Variants in GDA observed in about 807,000 individuals in gnomAD.
The protein encoded by GDA is cytoplasmic PSD-95 interactor.
A neutral mutation model predicts 59.6 loss-of-function variants in GDA; 18 were observed. The ratio of observed to expected loss-of-function variants is 0.30; its 90% CI spans 0.21 to 0.45. The LOEUF is 0.45. Among genes scored for constraint, GDA ranks in the 20% least tolerant of loss-of-function variants. The pLI is 1.00. For missense variants in GDA, 427 were observed against 552.3 expected, an observed-to-expected ratio of 0.77 and a Z score of 2.27; for synonymous variants, 201 against 201.1, an observed-to-expected ratio of 1.00 and a Z score of 0.00.
At chr9:72,139,820 A>G (rs1439268976) in intron 1 of GDA, among the ~76,000 whole-genome samples, 4 of 152,196 alleles carry the variant, frequency 2.6e-5, no homozygotes, top group African/African-American at 7.2e-5. Flanking sequence ...AAATGAAAGC[A>G]TCTTGCAATA....
chr9:72,162,646 A>G (rs1215600309), intron 1 of GDA, among the ~76,000 whole-genome samples: 1 of 149,156 alleles, frequency 6.7e-6, no homozygotes, highest in Non-Finnish European at 1.5e-5. Flanking sequence ...AGAGGAAGAT[A>G]GGTCAGATTT....
chr9:72,155,438 A>G (rs955446107), intron 1 of GDA, among the ~76,000 whole-genome samples: 1 of 152,182 alleles, frequency 6.6e-6, no homozygotes, highest in Non-Finnish European at 1.5e-5. Context: ...AACCATACCA[A>G]TAGGTAAGGT....
chr9:72,171,434 C>T (rs1242514925), intron 1 of GDA, among the ~76,000 whole-genome samples: 2 of 152,172 alleles, frequency 1.3e-5, no homozygotes, highest in Admixed American at 6.5e-5. Flanking sequence ...TTTGTAGCTT[C>T]TGCTAGCCTT....
intron 1 of GDA, among the ~76,000 whole-genome samples, chr9:72,125,009 T>C (rs1419823653): frequency 6.6e-6 from 1 of 152,194 alleles, no homozygotes; most frequent in Non-Finnish European, 1.5e-5. Context: ...ATACTATTTT[T>C]AGGGCTGCCG....
In GDA at chr9:72,173,516, G is replaced by A. The variant is rs192046464; in HGVS notation, c.124-21984G>A. ...CGGCTAATTTTTATATTTTTCGGAG[G>A]GGCAGGATTTCACCATGTTGGCTAG... On this transcript the variant is annotated intron_variant, in intron 1 of 13. Transcript: ENST00000358399. 8.4e-3 allele frequency among the ~76,000 whole-genome samples: 1,270 copies of A among 151,712 alleles called. 23 individuals are homozygous for A. The highest frequency in any genetic ancestry group is 0.023 in the South Asian group (111 of 4,798).
In GDA at chr9:72,248,559, C is replaced by G; in HGVS notation, c.*217C>G. 7.3e-7 allele frequency: 1 copy of G among 1,369,896 alleles called. No homozygotes were observed. The highest frequency in any genetic ancestry group is 1.7e-5 in the South Asian group (1 of 59,796). The allele number at this position is 1,369,896 out of a possible 1,614,324, so 84.9% of individuals were successfully genotyped here. On this transcript the variant is annotated 3_prime_UTR_variant, in exon 14 of 14. Transcript: ENST00000358399. Reference sequence around the variant, plus strand: ...GGGTTCATAAATTTCATGAAAATATCTCCCTTTGGAGCTGCTCAGACTTAC... The same window carrying G: ...GGGTTCATAAATTTCATGAAAATATGTCCCTTTGGAGCTGCTCAGACTTAC...
chr9:72,245,148 C>A lies in GDA; in HGVS notation c.1136C>A (p.Ala379Asp). 6.2e-7 allele frequency: 1 copy of A among 1,613,490 alleles called. No homozygotes were observed. The highest frequency in any genetic ancestry group is 1.1e-5 in the South Asian group (1 of 91,058). Residue 379 changes from alanine to aspartate, a missense_variant and splice_region_variant, in exon 12 of 14, where the codon GCC becomes GAC. Physicochemically the swap from Ala to Asp is moderately radical, Grantham distance 126. Coordinates refer to ENST00000358399, the MANE Select transcript of GDA (RefSeq NM_004293.5). ...FRLATLGGSQ[A>D]LGLDGEIGNF... ...CTGTTTATTCACTTGTTCTCAATAG[C>A]CCTGGGGCTGGATGGTGAGATTGGA...
At chr9:72,141,644 G>A (rs1241995708) in intron 1 of GDA, among the ~76,000 whole-genome samples, 1 of 152,120 alleles carries the variant, frequency 6.6e-6, no homozygotes, top group Admixed American at 6.5e-5. Flanking sequence ...ATGGAGTCTA[G>A]GAACATGCAT....
At chr9:72,259,131 T>C (rs1191634471), downstream of GDA, among the ~76,000 whole-genome samples, 1 of 151,914 alleles carries the variant, frequency 6.6e-6, no homozygotes, top group Non-Finnish European at 1.5e-5. Context: ...TTTAAGCGAT[T>C]CTTCTGCCTC....
At chr9:72,148,163 A>G (rs1826758635), upstream of GDA, among the ~76,000 whole-genome samples, 1 of 152,186 alleles carries the variant, frequency 6.6e-6, no homozygotes, top group South Asian at 2.1e-4. Context: ...TGTAGTTGTC[A>G]AAATAGTTAT....
intron 6 of GDA, among the ~76,000 whole-genome samples, chr9:72,221,471 C>T (rs940484864): frequency 1.3e-5 from 2 of 152,194 alleles, no homozygotes; most frequent in Non-Finnish European, 2.9e-5. Context: ...GAGGACTGCT[C>T]CCCAAAATGA....
At chr9:72,237,823 A>T (rs1034055175) in intron 10 of GDA, among the ~76,000 whole-genome samples, 2 of 152,008 alleles carry the variant, frequency 1.3e-5, no homozygotes, top group Non-Finnish European at 1.5e-5. Flanking sequence ...CTTCCCCAGC[A>T]CAATGCCCAA....
rs1459327643 is a variant in GDA at position 72,222,166 on chromosome 9, A to T, written c.607-954A>T. The stretch of plus-strand genomic sequence containing the variant: ...TTTCACAATGGTTGAAGTAATTTAC[A>T]CTCTTACCAACAGTCTATAAGCATT... On this transcript the variant is annotated intron_variant, in intron 6 of 13. Coordinates refer to ENST00000358399, the MANE Select transcript of GDA (RefSeq NM_004293.5). 2.0e-5 allele frequency among the ~76,000 whole-genome samples: 3 copies of T among 152,158 alleles called. No homozygotes were observed. In the East Asian group the frequency reaches 5.8e-4, roughly 29 times the overall value.
rs1398154738 is a variant in GDA, at chr9:72,249,078, T to C, written c.*736T>C. On this transcript the variant is annotated 3_prime_UTR_variant, in exon 14 of 14. Transcript: ENST00000358399. ...AAGATTTAAAGTCTCTTAGGAATAT[T>C]ATTCATGTAACTCCATGGCATAAAT... 16 of 980,132 alleles carry C rather than the reference T, an allele frequency of 1.6e-5. No homozygotes were observed. Among genetic ancestry groups the C allele is most frequent in the Non-Finnish European group, 1.9e-5 (16 of 824,828 alleles). The allele number at this position is 980,132 out of a possible 1,614,324, so 60.7% of individuals were successfully genotyped here.
chr9:72,247,699 T>C (rs551140397), intron 13 of GDA, among the ~76,000 whole-genome samples: 3 of 152,210 alleles, frequency 2.0e-5, no homozygotes, highest in Non-Finnish European at 4.4e-5. Context: ...GATCTTCATG[T>C]TCAACCCTCT....
At position 72,249,263 on chromosome 9, in the gene GDA, A is replaced by C; in HGVS notation, c.*921A>C. 2 of 985,346 alleles carry C rather than the reference A, an allele frequency of 2.0e-6. No individual in the cohort carries two copies. Among genetic ancestry groups the C allele is most frequent in the Non-Finnish European group, 2.4e-6 (2 of 829,874 alleles). 61.0% of individuals were successfully genotyped at this position (985,346 alleles called of 1,614,324 possible). A position where few individuals can be genotyped will look rare whatever the true frequency, so the allele number is the denominator to read the frequency against. On this transcript the variant is annotated 3_prime_UTR_variant, in exon 14 of 14. Coordinates refer to ENST00000358399, the MANE Select transcript of GDA (RefSeq NM_004293.5). ...CTGGCATCCAGGAGCCGCCAATACT[A>C]ACAGGACAGGTTCCATTGCCATGGC...
chr9:72,149,549 C>G lies in GDA; in HGVS notation c.-11C>G, dbSNP rs770347450. The stretch of plus-strand genomic sequence containing the variant: ...TCGACCAGCAGACCCGCGCTGCGCT[C>G]CGCCGCTGACATGTGTGCCGCTCAG... On this transcript the variant is annotated 5_prime_UTR_variant, in exon 1 of 14. Transcript: ENST00000358399. 4.4e-6 allele frequency: 7 copies of G among 1,608,882 alleles called. No homozygotes were observed. In the East Asian group the frequency reaches 1.3e-4, roughly 31 times the overall value.
rs368567455 is a variant in GDA, at chr9:72,202,782, A to T, written c.384+40A>T. 3.3e-4 allele frequency: 470 copies of T among 1,436,762 alleles called. 2 individuals carry two copies. The Middle Eastern group carries it at 3.3e-3, about 10-fold the overall frequency. 89.0% of individuals were successfully genotyped at this position (1,436,762 alleles called of 1,614,324 possible). A position where few individuals can be genotyped will look rare whatever the true frequency, so the allele number is the denominator to read the frequency against. On this transcript the variant is annotated intron_variant, in intron 3 of 13. Coordinates refer to ENST00000358399, the MANE Select transcript of GDA (RefSeq NM_004293.5). ...TGTGAGTGTGGTATTCTGTTTGGTC[A>T]TCTATAGAAATATCAGTTTCCTAGG...
intron 1 of GDA, among the ~76,000 whole-genome samples, chr9:72,134,258 A>G (rs893874513): frequency 1.1e-4 from 17 of 152,312 alleles, no homozygotes; most frequent in African/African-American, 4.1e-4. Context: ...ATGACATTTA[A>G]TGTTTATCAC....
Sources: gnomAD v4.1 joint callset for allele counts (sites outside exome capture counted in the v4.1 genomes callset) on GRCh38, gnomAD v4.1.1 for gene constraint, MANE v1.5 for transcripts, NCBI Gene and HGNC (gene_info 2026-07-23, HGNC 2026-07-21) for gene names.